Variants in LHFPL5 observed in about 807,000 individuals in gnomAD.
LHFPL5 encodes LHFPL tetraspan subfamily member 5 protein.
A neutral mutation model predicts 18.7 loss-of-function variants in LHFPL5; 12 were observed. That is an observed-to-expected ratio of 0.64 (90% confidence interval 0.41 to 1.04). LHFPL5 has a LOEUF of 1.04. Ranked by LOEUF, LHFPL5 falls within the 50% of genes least tolerant of loss-of-function variation. LHFPL5 has a pLI of 0.00. For missense variants in LHFPL5, 259 were observed against 292.1 expected (o/e 0.89, Z 0.83); for synonymous variants, 111 against 120.2 (o/e 0.92, Z 0.50).
At chr6:35,818,061 T>C (rs1046287957) in intron 2 of LHFPL5, among the ~76,000 whole-genome samples, 3 of 152,200 alleles carry the variant, frequency 2.0e-5, no homozygotes, top group Non-Finnish European at 2.9e-5. Flanking sequence ...ATTGCTACCA[T>C]GTGGATGAAC....
At chr6:35,809,165 AG>A (rs1252540401) in intron 1 of LHFPL5, among the ~76,000 whole-genome samples, 2 of 152,090 alleles carry the variant, frequency 1.3e-5, no homozygotes, top group Non-Finnish European at 1.5e-5. Context: ...GTAGGCTGGG[AG>A]TTGTCCCAGC....
chr6:35,822,507 G>A (rs1768885640), intron 3 of LHFPL5, among the ~76,000 whole-genome samples: 1 of 151,882 alleles, frequency 6.6e-6, no homozygotes. Context: ...GTTTTGTTTT[G>A]TTTTTTGTAA....
At position 35,814,651 on chromosome 6, in the gene LHFPL5, G is replaced by C; in HGVS notation, c.518G>C (p.Cys173Ser). 1.2e-6 allele frequency: 2 copies of C among 1,614,178 alleles called. No individual in the cohort carries two copies. Among genetic ancestry groups the C allele is most frequent in the Non-Finnish European group, 8.5e-7 (1 of 1,180,024 alleles). ...ACGGGCAAGTACACGCTGGGCCACTGCACCATCCGCTGGGCCTTCATGCTG... is the reference window on the plus strand; with the variant it reads ...ACGGGCAAGTACACGCTGGGCCACTCCACCATCCGCTGGGCCTTCATGCTG... ...EQTGKYTLGHCTIRWAFMLAI... is the reference protein window; with the variant it reads ...EQTGKYTLGHSTIRWAFMLAI... Residue 173 changes from cysteine (C) to serine (S), a missense_variant, in exon 2 of 4, where the codon TGC becomes TCC. By Grantham distance (112) the Cys-to-Ser change is moderately radical. Coordinates refer to ENST00000360215, the MANE Select transcript of LHFPL5 (RefSeq NM_182548.4). This position sits in a 1 kb window ranked among gnomAD's most constrained non-coding sequence, Gnocchi z 4.2.
chr6:35,811,300 A>T (rs191845965), intron 1 of LHFPL5: 1 of 152,238 alleles, frequency 6.6e-6, no homozygotes, highest in Admixed American at 6.5e-5. Flanking sequence ...TAATAATAGC[A>T]GTGACTAACA....
rs1431287028 is a variant in LHFPL5, at chr6:35,823,842, T to C, written c.*877T>C. Reference sequence around the variant, plus strand: ...TGTTACTTATGTTCAAGTAATTTGTTATAGGAATAGATGACATTTTTTTTT... The same window carrying C: ...TGTTACTTATGTTCAAGTAATTTGTCATAGGAATAGATGACATTTTTTTTT... On this transcript the variant is annotated 3_prime_UTR_variant, in exon 4 of 4. Coordinates refer to ENST00000360215, the MANE Select transcript of LHFPL5 (RefSeq NM_182548.4). The C allele has an allele frequency of 6.7e-6, 1 of 149,752 alleles. No individual in the cohort carries two copies. The highest frequency in any genetic ancestry group is 2.5e-5 in the African/African-American group (1 of 40,608). 9.3% of individuals were successfully genotyped at this position (149,752 alleles called of 1,614,324 possible).
At position 35,823,450 on chromosome 6, in the gene LHFPL5, C is replaced by T. The variant is rs534224847; in HGVS notation, c.*485C>T. The T allele has an allele frequency of 1.7e-3, 118 of 71,348 alleles. 2 individuals carry two copies. In the South Asian group the frequency reaches 0.027, roughly 16 times the overall value. 4.4% of individuals were successfully genotyped at this position (71,348 alleles called of 1,614,324 possible). ...ATACATACACACACACATATATATA[C>T]ACACACACACACACACACACACACA... is the stretch of plus-strand genomic sequence containing the variant. On this transcript the variant is annotated 3_prime_UTR_variant, in exon 4 of 4. Transcript: ENST00000360215.
rs550616498 is a variant in LHFPL5 at position 35,809,075 on chromosome 6, G to C, written c.412+2993G>C. 2.6e-5 allele frequency among the ~76,000 whole-genome samples: 4 copies of C among 152,248 alleles called. No individual in the cohort carries two copies. In the East Asian group the frequency reaches 7.7e-4, roughly 29 times the overall value. On this transcript the variant is annotated intron_variant, in intron 1 of 3. Transcript: ENST00000360215. ...CCAAGAAGCCTGGGAACAGGGAGGGGGCAGGGGCAAGGAGGACTGATGCTT... is the reference window on the plus strand; with the variant it reads ...CCAAGAAGCCTGGGAACAGGGAGGGCGCAGGGGCAAGGAGGACTGATGCTT...
rs1239875403 is a variant in LHFPL5, at chr6:35,824,038, A to C, written c.*1073A>C. 1 of 152,212 alleles carries C rather than the reference A, an allele frequency of 6.6e-6. No individual in the cohort carries two copies. The highest frequency in any genetic ancestry group is 2.4e-5 in the African/African-American group (1 of 41,472). The allele number at this position is 152,212 out of a possible 1,614,324, so 9.4% of individuals were successfully genotyped here. ...ACTTTAAATCATCTCTAGATTACTT[A>C]TAATACCTAATACAATGTAAATGCT... On this transcript the variant is annotated 3_prime_UTR_variant, in exon 4 of 4. Transcript: ENST00000360215.
At chr6:35,808,787 A>G (rs1768617926) in intron 1 of LHFPL5, among the ~76,000 whole-genome samples, 1 of 151,544 alleles carries the variant, frequency 6.6e-6, no homozygotes, top group Non-Finnish European at 1.5e-5. Context: ...AACAGGTGCC[A>G]TGTGTGAGCA....
rs1025247560 is a variant in LHFPL5, at chr6:35,807,744, G to A, written c.412+1662G>A. Among the ~76,000 whole-genome samples, 236 of 152,300 alleles carry A rather than the reference G, an allele frequency of 1.5e-3. 2 individuals carry two copies. The highest frequency in any genetic ancestry group is 5.5e-3 in the African/African-American group (230 of 41,562). The stretch of plus-strand genomic sequence containing the variant: ...GAAAGGACCAGACTTGGCCAAGGCT[G>A]TAGCAGATCAGCAGGCACCTGAGGA... On this transcript the variant is annotated intron_variant, in intron 1 of 3. Transcript: ENST00000360215.
chr6:35,809,738 A>G (rs1768632669), intron 1 of LHFPL5, among the ~76,000 whole-genome samples: 1 of 152,190 alleles, frequency 6.6e-6, no homozygotes, highest in Non-Finnish European at 1.5e-5. Flanking sequence ...TCCTGAGCTC[A>G]GGCGATCTGC....
chr6:35,812,518 G>T (rs1348033716), intron 1 of LHFPL5, among the ~76,000 whole-genome samples: 1 of 152,184 alleles, frequency 6.6e-6, no homozygotes, highest in Non-Finnish European at 1.5e-5. Context: ...TTGATGGAAA[G>T]GGATGGAAGA....
intron 2 of LHFPL5, among the ~76,000 whole-genome samples, chr6:35,816,480 T>A (rs1768763568): frequency 6.6e-6 from 1 of 151,864 alleles, no homozygotes. Context: ...AAGGCCTAGA[T>A]CCCGGATCCC....
rs1446234232 is a variant in LHFPL5, at chr6:35,805,633, G to A, written c.-38G>A. 1.2e-6 allele frequency: 2 copies of A among 1,612,232 alleles called. No homozygotes were observed. The highest frequency in any genetic ancestry group is 1.7e-6 in the Non-Finnish European group (2 of 1,178,994). The stretch of plus-strand genomic sequence containing the variant: ...CCATCCACAAAGCTACGGACTTGCA[G>A]CCCACGGGACCCCAGCCCAGGGCCT... On this transcript the variant is annotated 5_prime_UTR_variant, in exon 1 of 4. Transcript: ENST00000360215. The surrounding 1 kb of genome is among the most constrained non-coding windows in gnomAD (Gnocchi z 4.3).
At chr6:35,810,816 G>A (rs1159378364) in intron 1 of LHFPL5, among the ~76,000 whole-genome samples, 31 of 123,744 alleles carry the variant, frequency 2.5e-4, no homozygotes, top group Non-Finnish European at 3.5e-4. Flanking sequence ...GACAGAGTGA[G>A]ACTCCGTCTC....
intron 1 of LHFPL5, among the ~76,000 whole-genome samples, chr6:35,813,989 G>T (rs9470106): frequency 0.021 from 3,251 of 151,858 alleles, 126 homozygotes; most frequent in African/African-American, 0.074. Context: ...AGAGAACAGG[G>T]TTTCTCCATG....
In LHFPL5 at chr6:35,819,423, C is replaced by G. The variant is rs763744568; in HGVS notation, c.650-14C>G. On this transcript the variant is annotated splice_polypyrimidine_tract_variant and intron_variant, in intron 2 of 3. Coordinates refer to ENST00000360215, the MANE Select transcript of LHFPL5 (RefSeq NM_182548.4). Reference sequence around the variant, plus strand: ...ACTTGGTAGTAACGTATACTGTTCTCTCCTTCATTACAGAGGAGGTGTGAA... The same window carrying G: ...ACTTGGTAGTAACGTATACTGTTCTGTCCTTCATTACAGAGGAGGTGTGAA... The G allele has an allele frequency of 1.2e-6, 2 of 1,613,944 alleles. No individual in the cohort carries two copies. The highest frequency in any genetic ancestry group is 4.5e-5 in the East Asian group (2 of 44,872).
Position 35,823,857 on chromosome 6 carries a change from CA to C in LHFPL5, c.*893del, listed in dbSNP as rs1481516524. On this transcript the variant is annotated 3_prime_UTR_variant, in exon 4 of 4. Coordinates refer to ENST00000360215, the MANE Select transcript of LHFPL5 (RefSeq NM_182548.4). ...AGTAATTTGTTATAGGAATAGATGA[CA>C]TTTTTTTTTTTCAAAAACTTTGGAT... The C allele has an allele frequency of 2.3e-5, 3 of 133,296 alleles. No homozygotes were observed. The highest frequency in any genetic ancestry group is 3.3e-5 in the Non-Finnish European group (2 of 60,276). 8.3% of individuals were successfully genotyped at this position (133,296 alleles called of 1,614,324 possible). A position where few individuals can be genotyped will look rare whatever the true frequency, so the allele number is the denominator to read the frequency against.
rs876657848 is a variant in LHFPL5, at chr6:35,805,846, C to A, written c.176C>A (p.Ala59Glu). The change falls in exon 1 of 4, where the codon GCA becomes GAA. Residue 59 changes from alanine to glutamate, a missense_variant. Transcript: ENST00000360215. This position sits in a 1 kb window ranked among gnomAD's most constrained non-coding sequence, Gnocchi z 4.3. ...GGCGACAGCGTCAACACACCGCAGG[C>A]AGGCTACTTCGGCCTTTTCTCCTAC... The part of the protein sequence containing the change: ...WIGDSVNTPQ[A>E]GYFGLFSYCV... The A allele has an allele frequency of 3.1e-6, 5 of 1,614,140 alleles. No homozygotes were observed. The highest frequency in any genetic ancestry group is 4.2e-6 in the Non-Finnish European group (5 of 1,180,048).
Sources: allele counts gnomAD v4.1 joint callset (sites outside exome capture counted in the v4.1 genomes callset), GRCh38; gene constraint gnomAD v4.1.1; non-coding constraint Gnocchi (gnomAD v3.1); transcripts MANE v1.5; gene names NCBI Gene and HGNC (gene_info 2026-07-23, HGNC 2026-07-21).